Variants in GLCCI1 observed in about 807,000 individuals in gnomAD.
GLCCI1 encodes glucocorticoid induced 1, also known as glucocorticoid-induced transcript 1 protein.
A neutral mutation model predicts 52.2 loss-of-function variants in GLCCI1; 24 were observed. The observed-to-expected ratio is 0.46, with a 90% CI of 0.33 to 0.65. The LOEUF (loss-of-function observed/expected upper bound fraction) is 0.65, where lower values mean the gene tolerates loss of function less well. GLCCI1 is among the 30% of genes least tolerant of loss of function. The probability of loss-of-function intolerance (pLI) is 0.02; values close to 1 mark genes in which losing one functional copy is unlikely to be tolerated. For synonymous variants in GLCCI1, 310 were observed against 276.5 expected (o/e 1.12, Z -1.20); for missense variants, 704 against 701.5 (o/e 1.00, Z -0.04).
intron 4 of GLCCI1, among the ~76,000 whole-genome samples, chr7:8,056,192 G>A (rs1395371292): frequency 6.6e-6 from 1 of 151,792 alleles, no homozygotes; most frequent in Non-Finnish European, 1.5e-5. Context: ...CCAGCTATTC[G>A]GAGACTGAGG....
chr7:8,084,968 C>T lies in GLCCI1; in HGVS notation c.1249C>T (p.Arg417Trp). The change falls in exon 7 of 8, where the codon CGG becomes TGG. Residue 417 changes from arginine (R) to tryptophan (W), a missense_variant. Physicochemically the swap from Arg to Trp is moderately radical, Grantham distance 101. This residue lies in a region of GLCCI1 where 8 missense variants were observed against 23.8 expected (regional missense o/e 0.34). Coordinates refer to ENST00000223145, the MANE Select transcript of GLCCI1 (RefSeq NM_138426.4). ...ACCAAACAACAGCTACATGTTCAAACGGGAGCCCCCAGAGGGATGTGAGCG... is the reference window on the plus strand; with the variant it reads ...ACCAAACAACAGCTACATGTTCAAATGGGAGCCCCCAGAGGGATGTGAGCG... Reference protein sequence around the residue: ...PKPNNSYMFKREPPEGCERVK... With the variant: ...PKPNNSYMFKWEPPEGCERVK... 3 of 1,614,086 alleles carry T rather than the reference C, an allele frequency of 1.9e-6. No homozygotes were observed. The highest frequency in any genetic ancestry group is 2.5e-6 in the Non-Finnish European group (3 of 1,180,008).
chr7:8,007,529 A>G (rs890584208), intron 2 of GLCCI1, among the ~76,000 whole-genome samples: 2 of 152,190 alleles, frequency 1.3e-5, no homozygotes, highest in African/African-American at 4.8e-5. Flanking sequence ...CTAACCATTT[A>G]TTAGTTTAAT....
intron 1 of GLCCI1, among the ~76,000 whole-genome samples, chr7:8,002,530 A>G (rs939899251): frequency 3.3e-5 from 5 of 152,186 alleles, no homozygotes; most frequent in Non-Finnish European, 4.4e-5. Context: ...GGGTCAAAGG[A>G]AAAAATAAAA....
intron 2 of GLCCI1, among the ~76,000 whole-genome samples, chr7:8,004,631 A>G (rs1781111026): frequency 1.3e-5 from 2 of 152,332 alleles, no homozygotes; most frequent in South Asian, 4.1e-4. Context: ...TCTTGACCAT[A>G]TCTTCATAAC....
chr7:7,987,458 T>A (rs1780757702), intron 1 of GLCCI1, among the ~76,000 whole-genome samples: 1 of 152,234 alleles, frequency 6.6e-6, no homozygotes, highest in South Asian at 2.1e-4. Flanking sequence ...GTCAGTTTCT[T>A]GAGGGCAGGA....
Position 8,071,132 on chromosome 7 carries a change from G to A in GLCCI1, c.1177+1G>A. The A allele has an allele frequency of 6.2e-7, 1 of 1,612,970 alleles. No homozygotes were observed. The highest frequency in any genetic ancestry group is 8.5e-7 in the Non-Finnish European group (1 of 1,178,990). On this transcript the variant is annotated splice_donor_variant, in intron 6 of 7. Coordinates refer to ENST00000223145, the MANE Select transcript of GLCCI1 (RefSeq NM_138426.4). LOFTEE classifies it high-confidence loss of function. ...GATTTGCTCTATGATCGTGATAAAG[G>A]TAAGAATGGAATTGTCCACTTAGAG... is the stretch of plus-strand genomic sequence containing the variant.
In GLCCI1 at chr7:8,086,461, C is replaced by T; in HGVS notation, c.1567C>T (p.Pro523Ser). 1.2e-6 allele frequency: 2 copies of T among 1,614,154 alleles called. No homozygotes were observed. Among genetic ancestry groups the T allele is most frequent in the Non-Finnish European group, 1.7e-6 (2 of 1,180,024 alleles). Residue 523 changes from proline to serine, a missense_variant, in exon 8 of 8, where the codon CCA becomes TCA. Around this residue, in one of 3 missense-constraint regions of GLCCI1, gnomAD observed 149 missense variants for 152.9 expected, o/e 0.97. Coordinates refer to ENST00000223145, the MANE Select transcript of GLCCI1 (RefSeq NM_138426.4). The surrounding 1 kb of genome is among the most constrained non-coding windows in gnomAD (Gnocchi z 4.4). ...AGSMEASVQQ[P>S]SQQQQLLQEL... ...CTCCATGGAGGCCTCTGTCCAGCAGCCATCCCAGCAGCAGCAGCTCCTGCA... is the reference window on the plus strand; with the variant it reads ...CTCCATGGAGGCCTCTGTCCAGCAGTCATCCCAGCAGCAGCAGCTCCTGCA...
intron 3 of GLCCI1, among the ~76,000 whole-genome samples, chr7:8,026,400 C>A (rs1781621352): frequency 6.6e-6 from 1 of 152,170 alleles, no homozygotes. Context: ...ATCCCTCCCA[C>A]CCCCAATGGA....
intron 7 of GLCCI1, among the ~76,000 whole-genome samples, 177 bp downstream of exon 7, chr7:8,085,194 G>C (rs910807242): frequency 1.3e-5 from 2 of 152,346 alleles, no homozygotes; most frequent in Admixed American, 1.3e-4. Context: ...ACTGGAGTCT[G>C]TATGTTGGAA....
chr7:8,001,571 A>G (rs2115424919), intron 1 of GLCCI1, among the ~76,000 whole-genome samples: 1 of 152,360 alleles, frequency 6.6e-6, no homozygotes, highest in South Asian at 2.1e-4. Flanking sequence ...TAGAACTAAA[A>G]ATACCATTTG....
intron 3 of GLCCI1, among the ~76,000 whole-genome samples, chr7:8,040,525 AACACACACACACACACACAC>A (rs58561376): frequency 1.4e-5 from 2 of 145,212 alleles, no homozygotes; most frequent in African/African-American, 5.1e-5. Context: ...AGATATAATT[AACACACACACACACACACAC>A]ACACACACAC....
chr7:8,065,614 G>A (rs529023267), intron 5 of GLCCI1, among the ~76,000 whole-genome samples: 27 of 152,276 alleles, frequency 1.8e-4, no homozygotes, highest in Admixed American at 3.9e-4. Context: ...AACATGAAGG[G>A]ATGTTGGATT....
chr7:8,064,933 G>T (rs1057074505), intron 5 of GLCCI1, among the ~76,000 whole-genome samples: 4 of 152,064 alleles, frequency 2.6e-5, no homozygotes, highest in Non-Finnish European at 4.4e-5. Flanking sequence ...GGCCAGGATG[G>T]TCTCGATCTC....
At chr7:7,988,316 A>G (rs1178222922) in intron 1 of GLCCI1, among the ~76,000 whole-genome samples, 1 of 152,138 alleles carries the variant, frequency 6.6e-6, no homozygotes, top group Non-Finnish European at 1.5e-5. Context: ...TTTTACTATC[A>G]GGTGTATTGT....
Position 8,085,003 on chromosome 7 carries a change from C to T in GLCCI1, c.1284C>T (p.Val428=). The T allele has an allele frequency of 6.2e-7, 1 of 1,614,026 alleles. No homozygotes were observed. Among genetic ancestry groups the T allele is most frequent in the Non-Finnish European group, 8.5e-7 (1 of 1,179,984 alleles). Residue 428 remains valine (V), a synonymous_variant, in exon 7 of 8, where the codon GTC becomes GTT. Coordinates refer to ENST00000223145, the MANE Select transcript of GLCCI1 (RefSeq NM_138426.4). The stretch of plus-strand genomic sequence containing the variant: ...CAGAGGGATGTGAGCGAGTGAAGGT[C>T]TTTGAGGAAATGGCGTAAGTAATGT... ...EPPEGCERVK[V]FEEMASRQPI...
chr7:7,975,663 TGTCTAAAAATGTGAGACCTA>T (rs1345471668), intron 1 of GLCCI1, among the ~76,000 whole-genome samples: 2 of 152,268 alleles, frequency 1.3e-5, no homozygotes, highest in African/African-American at 4.8e-5. Flanking sequence ...ATTTTCAGAA[TGTCTAAAAATGTGAGACCTA>T]GTTTGTTGAA....
intron 3 of GLCCI1, among the ~76,000 whole-genome samples, chr7:8,032,731 A>G (rs1278732463): frequency 6.6e-6 from 1 of 152,042 alleles, no homozygotes; most frequent in African/African-American, 2.4e-5. Flanking sequence ...AATGTGAAGA[A>G]ACTTATAAAA....
intron 3 of GLCCI1, among the ~76,000 whole-genome samples, chr7:8,035,672 G>A (rs377438191): frequency 7.9e-5 from 12 of 152,334 alleles, no homozygotes; most frequent in African/African-American, 2.9e-4. Context: ...GCAGTAAGCT[G>A]TGAGATGGGC....
At chr7:8,032,969 A>G (rs1439137688) in intron 3 of GLCCI1, among the ~76,000 whole-genome samples, 1 of 151,974 alleles carries the variant, frequency 6.6e-6, no homozygotes, top group Admixed American at 6.5e-5. Context: ...AAACAAGATG[A>G]ATATCCATCT....
Sources: gnomAD v4.1 joint callset for allele counts (sites outside exome capture counted in the v4.1 genomes callset) on GRCh38, gnomAD v4.1.1 for gene constraint, gnomAD v4.1.1 regional missense constraint, Gnocchi (gnomAD v3.1) non-coding constraint, MANE v1.5 for transcripts, NCBI Gene and HGNC (gene_info 2026-07-23, HGNC 2026-07-21) for gene names.